Variants in TPM3 observed in about 807,000 individuals in gnomAD.
The protein encoded by TPM3 is tropomyosin 3.
TPM3 carries 16 observed loss-of-function variants against 43.1 expected under a neutral mutation model. The ratio of observed to expected loss-of-function variants is 0.37; its 90% confidence interval spans 0.25 to 0.56. The LOEUF (loss-of-function observed/expected upper bound fraction) is 0.56. Ranked by LOEUF, TPM3 falls within the 20% of genes least tolerant of loss-of-function variation. TPM3 has a pLI of 0.77. For synonymous variants in TPM3, 101 were observed against 116.9 expected (o/e 0.86, Z 0.88); for missense variants, 176 against 337.2 (o/e 0.52, Z 3.74).
At chr1:154,172,448 G>C (rs1001661503) in intron 5 of TPM3, 6 of 519,694 alleles carry the variant, frequency 1.2e-5, no homozygotes, top group African/African-American at 1.2e-4. Context: ...TTTAGGGACA[G>C]GGTCTCCCTA....
In TPM3 at chr1:154,175,451, C is replaced by T. The variant is rs1662197788; in HGVS notation, c.377+664G>A. Among the ~76,000 whole-genome samples, 5 of 152,152 alleles carry T rather than the reference C, an allele frequency of 3.3e-5. No homozygotes were observed. The South Asian group carries it at 1.0e-3, about 32-fold the overall frequency. On this transcript the variant is annotated intron_variant, in intron 3 of 9. Transcript: ENST00000651641. ...TCTAAGCATCCAGTTTTAAATTCCC[C>T]AGTGATTTCCCCCCTCACCCCTACC...
chr1:154,188,446 C>G (rs758387048), intron 2 of TPM3, among the ~76,000 whole-genome samples: 1 of 151,390 alleles, frequency 6.6e-6, no homozygotes, highest in Admixed American at 6.6e-5. Context: ...GAGGCCGTGG[C>G]GGGCGGATCA....
At chr1:154,171,632 T>C (rs1661587287) in intron 5 of TPM3, 144 bp from the exon 6 acceptor site, 3 of 884,288 alleles carry the variant, frequency 3.4e-6, no homozygotes, top group East Asian at 2.6e-5. Context: ...CCAAGTAACC[T>C]GAGCAAGCAT....
intron 2 of TPM3, among the ~76,000 whole-genome samples, chr1:154,180,763 A>G (rs1018504520): frequency 2.6e-5 from 4 of 151,956 alleles, no homozygotes; most frequent in Admixed American, 6.6e-5. Flanking sequence ...AAAAAATAAA[A>G]TAATAAAAAA....
downstream of TPM3, chr1:154,157,200 C>T (rs1659902838): frequency 3.0e-6 from 1 of 334,190 alleles, no homozygotes; most frequent in South Asian, 3.8e-5. Context: ...CAGGCCTACA[C>T]CTTTTCCTCT....
In TPM3 at chr1:154,169,320, T is replaced by C; in HGVS notation, c.839A>G (p.Asn280Ser). The change falls in exon 9 of 10, where the codon AAT becomes AGT. Residue 280 changes from asparagine (N) to serine (S), a missense_variant. By Grantham distance (46) the Asn-to-Ser change is conservative (BLOSUM62 1). This residue lies in a region of TPM3 where 26 missense variants were observed against 21.8 expected (regional missense o/e 1.19). Transcript: ENST00000651641. ...AISEELDHALNDMTSI is the reference protein window; with the variant it reads ...AISEELDHALSDMTSI ...AGATAGTTACATAGAGGTCATGTCA[T>C]TGAGGGCGTGGTCCAGCTCCTCGCT... is the stretch of plus-strand genomic sequence containing the variant. 1 of 1,614,174 alleles carries C rather than the reference T, an allele frequency of 6.2e-7. No homozygotes were observed. Among genetic ancestry groups the C allele is most frequent in the Non-Finnish European group, 8.5e-7 (1 of 1,180,016 alleles).
chr1:154,173,767 A>C (rs891108698), intron 3 of TPM3, among the ~76,000 whole-genome samples: 1 of 152,076 alleles, frequency 6.6e-6, no homozygotes, highest in Admixed American at 6.6e-5. Context: ...AGTCAGGTGG[A>C]TCACTTGAGG....
chr1:154,187,146 A>G (rs1336603602), intron 2 of TPM3: 12 of 216,344 alleles, frequency 5.5e-5, no homozygotes, highest in Non-Finnish European at 9.4e-5. Context: ...CCCAATTCCT[A>G]TAAACACTGT....
intron 2 of TPM3, among the ~76,000 whole-genome samples, chr1:154,188,027 G>GT (rs1244883541): frequency 2.0e-5 from 3 of 151,312 alleles, no homozygotes; most frequent in South Asian, 2.1e-4. Context: ...GTTTTGTTTT[G>GT]TTTTTTTGAG....
downstream of TPM3, among the ~76,000 whole-genome samples, chr1:154,160,416 G>A (rs941103389): frequency 2.0e-5 from 3 of 152,206 alleles, no homozygotes; most frequent in African/African-American, 7.2e-5. Flanking sequence ...TATGGTCCCA[G>A]TAATACTTGC....
At chr1:154,161,132 A>T (rs200076440), downstream of TPM3, among the ~76,000 whole-genome samples, 79 of 99,714 alleles carry the variant, frequency 7.9e-4, 3 homozygotes, top group East Asian at 7.5e-3. Context: ...TGCAAATATT[A>T]AAAAAAAAAA....
At chr1:154,175,534 C>T (rs1360132127) in intron 3 of TPM3, among the ~76,000 whole-genome samples, 3 of 152,056 alleles carry the variant, frequency 2.0e-5, no homozygotes, top group Non-Finnish European at 4.4e-5. Flanking sequence ...GATTGCCAGG[C>T]CCCACATCCA....
intron 2 of TPM3, among the ~76,000 whole-genome samples, chr1:154,182,627 G>GT (rs1041220506): frequency 2.6e-5 from 4 of 152,034 alleles, no homozygotes; most frequent in African/African-American, 9.7e-5. Context: ...CCAGAGCAAA[G>GT]TTCTCCCACC....
chr1:154,171,981 A>T, intron 5 of TPM3: 1 of 1,607,624 alleles, frequency 6.2e-7, no homozygotes. Flanking sequence ...AAAACAAAAC[A>T]AAACCACACC....
Position 154,162,364 on chromosome 1 carries a change from C to CAAAAAAA in TPM3, c.*5566_*5572dup, listed in dbSNP as rs58289686. ...TGGGCAACAGAGCAAGACTCCGTCT[C>CAAAAAAA]AAAAAAAAAAAAAAAAAAAAACACA... On this transcript the variant is annotated 3_prime_UTR_variant, in exon 10 of 10. Transcript: ENST00000651641. 5.3e-5 allele frequency among the ~76,000 whole-genome samples: 4 copies of CAAAAAAA among 75,024 alleles called. No individual in the cohort carries two copies. Among genetic ancestry groups the CAAAAAAA allele is most frequent in the African/African-American group, 9.8e-5 (2 of 20,324 alleles). The allele number at this position is 75,024 out of a possible 152,430, so 49.2% of individuals were successfully genotyped here.
At position 154,166,521 on chromosome 1, in the gene TPM3, C is replaced by T; in HGVS notation, c.*1416G>A. On this transcript the variant is annotated 3_prime_UTR_variant, in exon 10 of 10. Coordinates refer to ENST00000651641, the MANE Select transcript of TPM3 (RefSeq NM_152263.4). ...CCTCAGCCTCCCAAGAAGCTACAGG[C>T]AGTACAGGCAAGTGCCATTGCACCC... 9.5e-7 allele frequency: 1 copy of T among 1,055,952 alleles called. No homozygotes were observed. Among genetic ancestry groups the T allele is most frequent in the African/African-American group, 1.7e-5 (1 of 60,576 alleles). 65.4% of individuals were successfully genotyped at this position (1,055,952 alleles called of 1,614,324 possible).
intron 8 of TPM3, chr1:154,169,925 AG>A (rs1183061563): frequency 1.6e-5 from 4 of 244,342 alleles, no homozygotes; most frequent in African/African-American, 9.2e-5. Context: ...TTGCAGGGAC[AG>A]AAAGTATTTA....
chr1:154,158,761 C>G, downstream of TPM3: 1 of 569,084 alleles, frequency 1.8e-6, no homozygotes, highest in South Asian at 1.9e-5. Flanking sequence ...CCTTCTTCAC[C>G]CATAATCTCT....
At chr1:154,159,991 C>CTT (rs60242183), downstream of TPM3, among the ~76,000 whole-genome samples, 17,758 of 129,660 alleles carry the variant, frequency 0.14, 1,491 homozygotes, top group East Asian at 0.35. Context: ...AAGTTATTTC[C>CTT]TTTTTTTTTT....
Sources: gnomAD v4.1 joint callset for allele counts (sites outside exome capture counted in the v4.1 genomes callset) on GRCh38, gnomAD v4.1.1 for gene constraint, gnomAD v4.1.1 regional missense constraint, MANE v1.5 for transcripts, NCBI Gene and HGNC (gene_info 2026-07-23, HGNC 2026-07-21) for gene names.